PCNX1: variants seen among roughly 807,000 people sequenced by gnomAD.
The protein encoded by PCNX1 is pecanex-like protein 1.
PCNX1 carries 78 observed loss-of-function variants against 242.2 expected under a neutral mutation model. That is an observed-to-expected ratio of 0.32 (90% CI 0.27 to 0.39). PCNX1 has a LOEUF of 0.39. Ranked by LOEUF, PCNX1 falls within the 10% of genes least tolerant of loss-of-function variation. The pLI, the probability that PCNX1 is intolerant of heterozygous loss-of-function variation, is 1.00. For synonymous variants in PCNX1, 1,024 were observed against 1,032.9 expected (o/e 0.99, Z 0.17); for missense variants, 2,581 against 2,856.5 (o/e 0.90, Z 2.20).
chr14:70,943,113 C>G (rs538333354), intron 1 of PCNX1, among the ~76,000 whole-genome samples: 1 of 152,130 alleles, frequency 6.6e-6, no homozygotes, highest in African/African-American at 2.4e-5. Flanking sequence ...TACCCAGTCT[C>G]GGGTATTTCT....
At chr14:71,062,400 T>A (rs1005781156) in intron 26 of PCNX1, among the ~76,000 whole-genome samples, 2 of 151,906 alleles carry the variant, frequency 1.3e-5, no homozygotes, top group African/African-American at 2.4e-5. Flanking sequence ...TAAAAAAATT[T>A]TAAATTTTAA....
rs2060529302 is a variant in PCNX1 at position 71,036,273 on chromosome 14, G to T, written c.3867+116G>T. 1.0e-5 allele frequency: 7 copies of T among 675,324 alleles called. 1 individual carries two copies. The South Asian group carries it at 1.1e-4, about 11-fold the overall frequency. 41.8% of individuals were successfully genotyped at this position (675,324 alleles called of 1,614,324 possible). A position where few individuals can be genotyped will look rare whatever the true frequency, so the allele number is the denominator to read the frequency against. On this transcript the variant is annotated intron_variant, in intron 19 of 35. Coordinates refer to ENST00000304743, the MANE Select transcript of PCNX1 (RefSeq NM_014982.3). Reference sequence around the variant, plus strand: ...AGTTCATTCTAACCTTGAATCCCTGGGCTCAAGTGATCCTCCCACGTAGCT... The same window carrying T: ...AGTTCATTCTAACCTTGAATCCCTGTGCTCAAGTGATCCTCCCACGTAGCT...
At chr14:71,017,327 A>G (rs1287680397) in intron 11 of PCNX1, among the ~76,000 whole-genome samples, 1 of 152,160 alleles carries the variant, frequency 6.6e-6, no homozygotes, top group Non-Finnish European at 1.5e-5. Flanking sequence ...TTTTCAACAA[A>G]TGGTGGTGGA....
At position 71,110,940 on chromosome 14, in the gene PCNX1, G is replaced by A. The variant is rs1312704439; in HGVS notation, c.*1005G>A. The A allele has an allele frequency of 6.6e-6, 1 of 152,618 alleles. No individual in the cohort carries two copies. Among genetic ancestry groups the A allele is most frequent in the East Asian group, 1.9e-4 (1 of 5,200 alleles). The allele number at this position is 152,618 out of a possible 1,614,324, so 9.5% of individuals were successfully genotyped here. A position where few individuals can be genotyped will look rare whatever the true frequency, so the allele number is the denominator to read the frequency against. On this transcript the variant is annotated 3_prime_UTR_variant, in exon 36 of 36. Coordinates refer to ENST00000304743, the MANE Select transcript of PCNX1 (RefSeq NM_014982.3). ...AAAGGATCGATTGCCTTTTATTTATGAGTTTCTAGCTCTTGAAGTTATTCA... is the reference window on the plus strand; with the variant it reads ...AAAGGATCGATTGCCTTTTATTTATAAGTTTCTAGCTCTTGAAGTTATTCA...
intron 1 of PCNX1, among the ~76,000 whole-genome samples, chr14:70,924,819 G>T (rs1357303568): frequency 6.6e-6 from 1 of 151,746 alleles, no homozygotes; most frequent in African/African-American, 2.4e-5. Flanking sequence ...GAGCTCCTGG[G>T]CTCAAGCAAT....
In PCNX1 at chr14:71,109,045, A is replaced by T; in HGVS notation, c.6743A>T (p.Gln2248Leu). The T allele has an allele frequency of 1.2e-6, 2 of 1,605,800 alleles. No individual in the cohort carries two copies. The highest frequency in any genetic ancestry group is 1.7e-6 in the Non-Finnish European group (2 of 1,174,996). ...SRKAEVIYRV[Q>L]IVDPSQILEG... Reference sequence around the variant, plus strand: ...AAGGCAGAAGTGATTTACAGAGTCCAAGTAAGTAAGCCCAGAGGTGGTCTT... The same window carrying T: ...AAGGCAGAAGTGATTTACAGAGTCCTAGTAAGTAAGCCCAGAGGTGGTCTT... Residue 2248 changes from glutamine (Q) to leucine (L), a missense_variant and splice_region_variant, in exon 34 of 36, where the codon CAA (glutamine) becomes CTA (leucine). Transcript: ENST00000304743.
rs749780704 is a variant in PCNX1, at chr14:71,047,973, C to A, written c.4327C>A (p.Leu1443Ile). 38 of 1,609,596 alleles carry A rather than the reference C, an allele frequency of 2.4e-5. No homozygotes were observed. The highest frequency in any genetic ancestry group is 2.9e-5 in the Non-Finnish European group (34 of 1,177,206). ...GTTGGATCTCTTCTTTATGTCCATA[C>A]TCTTCAACAAGGTAATTTATCACTG... ...MLLDLFFMSILFNKLWELLYK... is the reference protein window; with the variant it reads ...MLLDLFFMSIIFNKLWELLYK... Residue 1443 changes from leucine (L) to isoleucine (I), a missense_variant, in exon 22 of 36, where the codon CTC becomes ATC. Physicochemically the swap from Leu to Ile is conservative, Grantham distance 5 (BLOSUM62 2). Transcript: ENST00000304743.
At chr14:70,956,474 A>G (rs1649644515) in intron 2 of PCNX1, among the ~76,000 whole-genome samples, 2 of 152,096 alleles carry the variant, frequency 1.3e-5, no homozygotes, top group African/African-American at 4.8e-5. Context: ...TGGGAGGATC[A>G]CTTGAGCCCA....
At chr14:71,031,234 G>C (rs1167285933) in intron 16 of PCNX1, among the ~76,000 whole-genome samples, 1 of 152,200 alleles carries the variant, frequency 6.6e-6, no homozygotes, top group African/African-American at 2.4e-5. Context: ...GACCAGTCAA[G>C]GGAAGCTCCC....
chr14:71,010,913 G>A (rs917641899), intron 9 of PCNX1, among the ~76,000 whole-genome samples: 3 of 152,000 alleles, frequency 2.0e-5, no homozygotes, highest in Non-Finnish European at 4.4e-5. Flanking sequence ...TCTAGTTTCA[G>A]AATTCACCCT....
At chr14:71,049,408 C>T (rs1013685451) in intron 22 of PCNX1, among the ~76,000 whole-genome samples, 2 of 151,994 alleles carry the variant, frequency 1.3e-5, no homozygotes, top group Non-Finnish European at 2.9e-5. Flanking sequence ...ATTAAGATAT[C>T]ATTGTAAGGT....
intron 3 of PCNX1, 114 bp from the exon 4 acceptor site, chr14:70,968,084 G>T (rs1048563827): frequency 5.1e-6 from 4 of 777,666 alleles, no homozygotes; most frequent in South Asian, 1.6e-5. Flanking sequence ...TGATAAAAAT[G>T]ATCGATAACA....
chr14:71,046,096 A>G (rs2060852870), intron 20 of PCNX1, among the ~76,000 whole-genome samples: 1 of 152,042 alleles, frequency 6.6e-6, no homozygotes, highest in Non-Finnish European at 1.5e-5. Flanking sequence ...AGTTGCTTGA[A>G]GATAACTTTT....
In PCNX1 at chr14:71,033,963, C is replaced by T. The variant is rs147784925; in HGVS notation, c.3701C>T (p.Thr1234Met). 5.7e-5 allele frequency: 91 copies of T among 1,603,340 alleles called. No individual in the cohort carries two copies. The highest frequency in any genetic ancestry group is 1.9e-4 in the Admixed American group (11 of 58,530). The stretch of plus-strand genomic sequence containing the variant: ...GTGCAATCCAAGATTTTTCCAAAAA[C>T]GGAAGAGAAAAATCCAGAAGACCCT... ...SLVQSKIFPK[T>M]EEKNPEDPLS... Residue 1234 changes from threonine to methionine, a missense_variant, in exon 18 of 36, where the codon ACG (threonine) becomes ATG (methionine). Thr to Met is a moderately conservative substitution (Grantham distance 81). Coordinates refer to ENST00000304743, the MANE Select transcript of PCNX1 (RefSeq NM_014982.3).
intron 30 of PCNX1, chr14:71,093,626 A>G (rs2062194799): frequency 6.6e-6 from 1 of 152,252 alleles, no homozygotes; most frequent in Non-Finnish European, 1.5e-5. Flanking sequence ...TACTATATGG[A>G]AACATTCTTA....
intron 26 of PCNX1, among the ~76,000 whole-genome samples, chr14:71,070,477 G>A (rs1487268258): frequency 6.6e-6 from 1 of 152,228 alleles, no homozygotes; most frequent in Non-Finnish European, 1.5e-5. Flanking sequence ...AGACTTGACA[G>A]TTGCAGTTAT....
chr14:71,015,844 T>G (rs929828579), intron 11 of PCNX1, among the ~76,000 whole-genome samples: 1 of 152,028 alleles, frequency 6.6e-6, no homozygotes, highest in Admixed American at 6.5e-5. Flanking sequence ...ATTGGCAGAT[T>G]AGATAAAAAA....
intron 7 of PCNX1, among the ~76,000 whole-genome samples, chr14:70,994,408 T>G (rs1171171351): frequency 1.0e-5 from 1 of 96,590 alleles, no homozygotes; most frequent in African/African-American, 3.7e-5. Context: ...TATATATATA[T>G]ATATATATAT....
intron 8 of PCNX1, among the ~76,000 whole-genome samples, chr14:71,000,245 G>C (rs1335497791): frequency 1.3e-5 from 2 of 152,118 alleles, no homozygotes; most frequent in African/African-American, 2.4e-5. Context: ...GGTAAAAGTA[G>C]AATGTGCTTT....
Sources: allele counts gnomAD v4.1 joint callset (sites outside exome capture counted in the v4.1 genomes callset), GRCh38; gene constraint gnomAD v4.1.1; transcripts MANE v1.5; gene names NCBI Gene and HGNC (gene_info 2026-07-23, HGNC 2026-07-21).